The following TBC1D15 variants were observed in gnomAD, a reference collection of about 807,000 sequenced individuals.
The protein encoded by TBC1D15 is GAP for RAB7.
In TBC1D15, 39 loss-of-function variants were observed where a neutral mutation model predicts 95.4. The observed-to-expected ratio is 0.41, with a 90% CI of 0.32 to 0.53. TBC1D15 has a LOEUF of 0.53. Ranked by LOEUF, TBC1D15 falls within the 20% of genes least tolerant of loss-of-function variation. TBC1D15 has a pLI of 0.29. For missense variants in TBC1D15, 733 were observed against 794.3 expected (o/e 0.92, Z 0.93); for synonymous variants, 258 against 261.3 (o/e 0.99, Z 0.12).
At chr12:71,900,474 A>G (rs1899125486) in intron 10 of TBC1D15, among the ~76,000 whole-genome samples, 1 of 152,176 alleles carries the variant, frequency 6.6e-6, no homozygotes, top group South Asian at 2.1e-4. Context: ...GATTTTTCAC[A>G]CACAAAAATT....
chr12:71,872,107 C>A lies in TBC1D15; in HGVS notation c.68C>A (p.Ser23Tyr). 6.4e-7 allele frequency: 1 copy of A among 1,572,914 alleles called. No individual in the cohort carries two copies. The highest frequency in any genetic ancestry group is 8.6e-7 in the Non-Finnish European group (1 of 1,162,082). The change falls in exon 2 of 17, where the codon TCT becomes TAT. Residue 23 changes from serine to tyrosine, a missense_variant. Ser to Tyr is a moderately radical substitution (Grantham distance 144). Coordinates refer to ENST00000485960, the MANE Select transcript of TBC1D15 (RefSeq NM_001146213.3). ...CAAGAAGGAGTATATATTCACTCAT[C>A]TTGTGGAAAGACCAATGACCAAGAC... ...YEQEGVYIHS[S>Y]CGKTNDQDGL...
intron 10 of TBC1D15, among the ~76,000 whole-genome samples, chr12:71,899,353 T>G (rs1898855641): frequency 6.6e-6 from 1 of 152,226 alleles, no homozygotes; most frequent in African/African-American, 2.4e-5. Context: ...GTTAGTCAGT[T>G]GTCTTAAGCC....
At chr12:71,851,786 G>A (rs1027393882) in intron 1 of TBC1D15, among the ~76,000 whole-genome samples, 1 of 151,084 alleles carries the variant, frequency 6.6e-6, no homozygotes, top group African/African-American at 2.4e-5. Context: ...GCCTTGGACA[G>A]CTCTGCCCTG....
intron 1 of TBC1D15, among the ~76,000 whole-genome samples, chr12:71,864,663 T>A (rs1249085335): frequency 6.6e-6 from 1 of 152,066 alleles, no homozygotes; most frequent in Non-Finnish European, 1.5e-5. Flanking sequence ...CCTGCCACCA[T>A]GCCCGCCTAA....
intron 1 of TBC1D15, chr12:71,854,476 T>C (rs921470726): frequency 4.4e-6 from 2 of 449,742 alleles, no homozygotes; most frequent in African/African-American, 4.0e-5. Flanking sequence ...TTATGAACTC[T>C]TAAGATGGTT....
intron 3 of TBC1D15, 104 bp from the exon 4 acceptor site, chr12:71,880,365 G>A (rs759284581): frequency 5.6e-5 from 49 of 882,374 alleles, no homozygotes; most frequent in Non-Finnish European, 7.9e-5. Flanking sequence ...TCCCACCAGT[G>A]ATGTCGTCTG....
Position 71,913,729 on chromosome 12 carries a change from A to G in TBC1D15, c.1301-97A>G, listed in dbSNP as rs989727043. ...ACCAATTTCTAAATGCAAAGGAGAAAGATACAATTTTAAGCGAAATGGTGG... is the reference window on the plus strand; with the variant it reads ...ACCAATTTCTAAATGCAAAGGAGAAGGATACAATTTTAAGCGAAATGGTGG... On this transcript the variant is annotated intron_variant, in intron 11 of 16. Coordinates refer to ENST00000485960, the MANE Select transcript of TBC1D15 (RefSeq NM_001146213.3). 40 of 754,318 alleles carry G rather than the reference A, an allele frequency of 5.3e-5. 1 individual carries two copies. The South Asian group carries it at 6.6e-4, about 12-fold the overall frequency. The allele number at this position is 754,318 out of a possible 1,614,324, so 46.7% of individuals were successfully genotyped here.
At chr12:71,894,234 T>G (rs1464038259) in intron 6 of TBC1D15, 3 of 1,030,478 alleles carry the variant, frequency 2.9e-6, no homozygotes, top group Non-Finnish European at 4.4e-6. Flanking sequence ...AACTAATATT[T>G]AAATATGAGT....
At chr12:71,914,143 A>T (rs1371517951) in intron 12 of TBC1D15, among the ~76,000 whole-genome samples, 1 of 151,942 alleles carries the variant, frequency 6.6e-6, no homozygotes, top group African/African-American at 2.4e-5. Context: ...GTAGTATAGG[A>T]ATAATCAGGA....
chr12:71,920,916 G>A (rs75390605), intron 15 of TBC1D15, 69 bp downstream of exon 15: 36 of 1,088,860 alleles, frequency 3.3e-5, no homozygotes, highest in Middle Eastern at 5.3e-4. Context: ...TATACAGAAC[G>A]TTTCCTTGGA....
Position 71,907,118 on chromosome 12 carries a change from G to C in TBC1D15, c.1280G>C (p.Cys427Ser). Residue 427 changes from cysteine (C) to serine (S), a missense_variant, in exon 11 of 17, where the codon TGT becomes TCT. Physicochemically the swap from Cys to Ser is moderately radical, Grantham distance 112. Coordinates refer to ENST00000485960, the MANE Select transcript of TBC1D15 (RefSeq NM_001146213.3). ...CTTCATGACATTTTGATGACCTACTGTATGTATGATTTTGATTTAGGTAAG... is the reference window on the plus strand; with the variant it reads ...CTTCATGACATTTTGATGACCTACTCTATGTATGATTTTGATTTAGGTAAG... ...ILLHDILMTY[C>S]MYDFDLGYVQ... 1 of 1,600,080 alleles carries C rather than the reference G, an allele frequency of 6.2e-7. No homozygotes were observed. The highest frequency in any genetic ancestry group is 1.7e-4 in the Middle Eastern group (1 of 6,010).
At chr12:71,909,460 G>C (rs1371632208) in intron 11 of TBC1D15, among the ~76,000 whole-genome samples, 1 of 152,186 alleles carries the variant, frequency 6.6e-6, no homozygotes, top group East Asian at 1.9e-4. Context: ...GTGATTTCGA[G>C]TTAGTGAATG....
intron 14 of TBC1D15, among the ~76,000 whole-genome samples, chr12:71,919,201 CTTTT>C (rs34109729): frequency 7.6e-5 from 10 of 131,460 alleles, no homozygotes; most frequent in Admixed American, 2.3e-4. Context: ...AATCAGTGTG[CTTTT>C]TTTTTTTTTT....
intron 1 of TBC1D15, among the ~76,000 whole-genome samples, chr12:71,858,802 C>T (rs1197797663): frequency 6.6e-6 from 1 of 152,064 alleles, no homozygotes; most frequent in African/African-American, 2.4e-5. Flanking sequence ...AGCCATCTGT[C>T]CGCCTTGGTC....
chr12:71,904,719 A>G (rs1303932775), intron 10 of TBC1D15, among the ~76,000 whole-genome samples: 4 of 152,234 alleles, frequency 2.6e-5, no homozygotes, highest in Admixed American at 2.0e-4. Flanking sequence ...GTATGCTTAG[A>G]ATAGTGGGAA....
intron 5 of TBC1D15, among the ~76,000 whole-genome samples, chr12:71,892,587 T>A (rs1897380076): frequency 6.6e-6 from 1 of 151,964 alleles, no homozygotes; most frequent in Non-Finnish European, 1.5e-5. Context: ...GACTTGCTTC[T>A]AGAGTTTAAT....
intron 10 of TBC1D15, among the ~76,000 whole-genome samples, chr12:71,900,606 T>A (rs1040180014): frequency 6.6e-6 from 1 of 152,174 alleles, no homozygotes; most frequent in Non-Finnish European, 1.5e-5. Flanking sequence ...GTGCCTATTA[T>A]GTACTAGGCT....
chr12:71,911,604 C>A, intron 11 of TBC1D15, among the ~76,000 whole-genome samples: 1 of 122,504 alleles, frequency 8.2e-6, no homozygotes, highest in Non-Finnish European at 1.6e-5. Context: ...AGGGGAACAT[C>A]ACACTCTGGG....
At chr12:71,854,195 C>T (rs1888492335) in intron 1 of TBC1D15, among the ~76,000 whole-genome samples, 1 of 152,206 alleles carries the variant, frequency 6.6e-6, no homozygotes, top group Non-Finnish European at 1.5e-5. Flanking sequence ...TCAATAGTCA[C>T]TATCCTTCAT....
Sources: allele counts gnomAD v4.1 joint callset (sites outside exome capture counted in the v4.1 genomes callset), GRCh38; gene constraint gnomAD v4.1.1; transcripts MANE v1.5; gene names NCBI Gene and HGNC (gene_info 2026-07-23, HGNC 2026-07-21).